The following TET2 variants were observed in gnomAD, a reference collection of about 807,000 sequenced individuals.
TET2 encodes methylcytosine dioxygenase TET2.
Under a neutral mutation model 142.9 loss-of-function variants are expected in TET2, and 299 were observed. That is an observed-to-expected ratio of 2.09 (90% confidence interval 1.90 to 2.30). TET2 has a LOEUF of 2.30. Ranked by LOEUF, TET2 falls within the 30% of genes most tolerant of loss-of-function variation. The pLI, the probability that TET2 is intolerant of heterozygous loss-of-function variation, is 0.00. For missense variants in TET2, 2,418 were observed against 2,378.0 expected (o/e 1.02, Z -0.35); for synonymous variants, 819 against 849.0 (o/e 0.96, Z 0.61).
rs776450524 is a variant in TET2, at chr4:105,236,538, C to G, written c.2596C>G (p.Gln866Glu). ...CAAGACCCAAAACTTGCATCACATG[C>G]AATATTTTCCAAATAATGTGATCCC... ...GNKTQNLHHM[Q>E]YFPNNVIPKQ... The change falls in exon 3 of 11, where the codon CAA becomes GAA. Residue 866 changes from glutamine to glutamate, a missense_variant. By Grantham distance (29) the Gln-to-Glu change is conservative (BLOSUM62 2). Coordinates refer to ENST00000380013, the MANE Select transcript of TET2 (RefSeq NM_001127208.3). 1.2e-6 allele frequency: 2 copies of G among 1,613,928 alleles called. No homozygotes were observed. Among genetic ancestry groups the G allele is most frequent in the African/African-American group, 2.7e-5 (2 of 74,916 alleles).
chr4:105,276,518 G>A lies in TET2; in HGVS notation c.6008G>A (p.Ter2003=). Residue 2003 remains the stop codon, a stop_retained_variant, in exon 11 of 11, where the codon TGA becomes TAA. Coordinates refer to ENST00000380013, the MANE Select transcript of TET2 (RefSeq NM_001127208.3). ...RVTGPYNRYI[*] The stretch of plus-strand genomic sequence containing the variant: ...ACAGGGCCTTACAACAGATATATAT[G>A]ATATCACCCCCTTTTGTTGGTTACC... 1.3e-6 allele frequency: 2 copies of A among 1,546,734 alleles called. No homozygotes were observed. Among genetic ancestry groups the A allele is most frequent in the Non-Finnish European group, 1.7e-6 (2 of 1,143,820 alleles).
At chr4:105,222,184 T>A (rs1182551147) in intron 2 of TET2, among the ~76,000 whole-genome samples, 3 of 152,190 alleles carry the variant, frequency 2.0e-5, no homozygotes, top group Non-Finnish European at 4.4e-5. Flanking sequence ...TACGTGTGCA[T>A]GTGTCTTTAT....
intron 1 of TET2, among the ~76,000 whole-genome samples, chr4:105,183,887 C>T (rs1049533211): frequency 6.6e-6 from 1 of 152,188 alleles, no homozygotes; most frequent in African/African-American, 2.4e-5. Context: ...TCACTCCTTT[C>T]TTCTCCTATA....
chr4:105,241,340 G>A lies in TET2; in HGVS notation c.3411G>A (p.Glu1137=), dbSNP rs1243912562. 21 of 1,545,078 alleles carry A rather than the reference G, an allele frequency of 1.4e-5. No individual in the cohort carries two copies. The highest frequency in any genetic ancestry group is 6.0e-5 in the Admixed American group (3 of 49,826). ...AATAATCTTCTATTATCTCAACAGA[G>A]CAAATTATTGAAAAAGATGAAGGTC... ...QYDFPSCRCV[E]QIIEKDEGPF... The change falls in exon 4 of 11, where the codon GAG becomes GAA. Residue 1137 remains glutamate (E), a splice_region_variant and synonymous_variant. Coordinates refer to ENST00000380013, the MANE Select transcript of TET2 (RefSeq NM_001127208.3).
chr4:105,252,472 T>C (rs1300408989), intron 6 of TET2, among the ~76,000 whole-genome samples: 1 of 152,188 alleles, frequency 6.6e-6, no homozygotes, highest in Non-Finnish European at 1.5e-5. Context: ...AATAAAGCTG[T>C]TATAAAAGTA....
At chr4:105,190,850 C>T (rs758563551) in intron 2 of TET2, 3 of 199,296 alleles carry the variant, frequency 1.5e-5, no homozygotes, top group South Asian at 1.4e-4. Flanking sequence ...TTTATCGCCT[C>T]CATTTTGCTT....
At chr4:105,207,463 T>C (rs1726896062) in intron 2 of TET2, among the ~76,000 whole-genome samples, 1 of 152,112 alleles carries the variant, frequency 6.6e-6, no homozygotes, top group South Asian at 2.1e-4. Flanking sequence ...TTCTTTGGGA[T>C]ATACATTGAA....
chr4:105,205,497 T>C (rs146535015), intron 2 of TET2, among the ~76,000 whole-genome samples: 1 of 147,296 alleles, frequency 6.8e-6, no homozygotes, highest in Non-Finnish European at 1.5e-5. Flanking sequence ...TTTTTGTCTT[T>C]TAGTTGAAGT....
chr4:105,238,176 T>G (rs1729068342), intron 3 of TET2: 1 of 229,820 alleles, frequency 4.4e-6, no homozygotes, highest in Non-Finnish European at 9.4e-6. Flanking sequence ...GTTAAAAAAA[T>G]GCCAACAATT....
chr4:105,193,365 A>T (rs1725899999), intron 2 of TET2, among the ~76,000 whole-genome samples: 1 of 152,148 alleles, frequency 6.6e-6, no homozygotes, highest in Admixed American at 6.6e-5. Context: ...GAAGATGGGA[A>T]AGCAGGGTAA....
At chr4:105,209,095 ATATG>A (rs1578624213) in intron 2 of TET2, among the ~76,000 whole-genome samples, 1 of 119,392 alleles carries the variant, frequency 8.4e-6, no homozygotes, top group Non-Finnish European at 1.7e-5. Context: ...ATATATATAT[ATATG>A]TTTGAGCGAG....
intron 1 of TET2, among the ~76,000 whole-genome samples, chr4:105,167,480 A>G (rs1302483549): frequency 6.6e-6 from 1 of 152,154 alleles, no homozygotes; most frequent in Non-Finnish European, 1.5e-5. Context: ...CACATGTAGT[A>G]TATCTATATA....
At chr4:105,201,807 T>C (rs960139206) in intron 2 of TET2, among the ~76,000 whole-genome samples, 4 of 143,974 alleles carry the variant, frequency 2.8e-5, no homozygotes, top group Admixed American at 2.2e-4. Flanking sequence ...AGTGGCCTGA[T>C]TGAGGCTCAC....
At chr4:105,171,366 C>T (rs765564700) in intron 1 of TET2, 1 of 152,064 alleles carries the variant, frequency 6.6e-6, no homozygotes, top group Non-Finnish European at 1.5e-5. Flanking sequence ...AAGTGCAAAT[C>T]GTTCTTTATT....
At chr4:105,224,083 C>T (rs1241140080) in intron 2 of TET2, among the ~76,000 whole-genome samples, 1 of 150,884 alleles carries the variant, frequency 6.6e-6, no homozygotes, top group Admixed American at 6.6e-5. Context: ...TCTTTTGTCC[C>T]CTTGAAAAAA....
At chr4:105,250,610 C>T (rs755793750) in intron 6 of TET2, among the ~76,000 whole-genome samples, 1 of 151,914 alleles carries the variant, frequency 6.6e-6, no homozygotes, top group Non-Finnish European at 1.5e-5. Flanking sequence ...ATTAAAGCTT[C>T]CAATTTATGA....
rs1419297381 is a variant in TET2 at position 105,259,739 on chromosome 4, G to GT, written c.3927dup (p.Lys1310Ter). 6.4e-7 allele frequency: 1 copy of GT among 1,550,910 alleles called. No individual in the cohort carries two copies. The highest frequency in any genetic ancestry group is 2.0e-5 in the Admixed American group (1 of 50,944). ...TTGCCAGAAGCAAGATCCCAAGGAA[G>GT]TTTAAGCTGCTTGGGGATGACCCAA... On this transcript the variant is annotated frameshift_variant, in exon 7 of 11. Coordinates refer to ENST00000380013, the MANE Select transcript of TET2 (RefSeq NM_001127208.3). LOFTEE classifies it high-confidence loss of function.
chr4:105,218,754 T>G (rs1210503269), intron 2 of TET2, among the ~76,000 whole-genome samples: 2 of 152,068 alleles, frequency 1.3e-5, no homozygotes, highest in Admixed American at 1.3e-4. Context: ...CTCAGTTAAA[T>G]AATTAAAGAT....
At chr4:105,196,422 T>C (rs1726098394) in intron 2 of TET2, among the ~76,000 whole-genome samples, 1 of 152,132 alleles carries the variant, frequency 6.6e-6, no homozygotes, top group Non-Finnish European at 1.5e-5. Flanking sequence ...CTTTTCAGAG[T>C]GGCCCTGAAT....
Sources: allele counts gnomAD v4.1 joint callset (sites outside exome capture counted in the v4.1 genomes callset), GRCh38; gene constraint gnomAD v4.1.1; transcripts MANE v1.5; gene names NCBI Gene and HGNC (gene_info 2026-07-23, HGNC 2026-07-21).